Variants in C7 observed in about 807,000 individuals in gnomAD.
The protein encoded by C7 is complement C7, also known as complement component C7.
C7 carries 83 observed loss-of-function variants against 104.8 expected under a neutral mutation model. That is an observed-to-expected ratio of 0.79 (90% CI 0.66 to 0.95). C7 has a LOEUF of 0.95. C7 is among the 40% of genes least tolerant of loss of function. C7 has a pLI of 0.00. For synonymous variants in C7, 415 were observed against 360.6 expected (o/e 1.15, Z -1.71); for missense variants, 1,070 against 1,011.2 (o/e 1.06, Z -0.79).
In C7 at chr5:40,984,105, C is replaced by A. The variant is rs921933532; in HGVS notation, c.*2532C>A. 6.6e-6 allele frequency among the ~76,000 whole-genome samples: 1 copy of A among 152,184 alleles called. No homozygotes were observed. The highest frequency in any genetic ancestry group is 1.5e-5 in the Non-Finnish European group (1 of 68,036). On this transcript the variant is annotated 3_prime_UTR_variant, in exon 18 of 18. Coordinates refer to ENST00000313164, the MANE Select transcript of C7 (RefSeq NM_000587.4). ...AAGGTGCCTGAGAATATTTCCTAATCGTTTTGAGAAGTGCCTTCCTGTGAC... is the reference window on the plus strand; with the variant it reads ...AAGGTGCCTGAGAATATTTCCTAATAGTTTTGAGAAGTGCCTTCCTGTGAC...
At chr5:40,911,327 C>T (rs964598350) in intron 1 of C7, among the ~76,000 whole-genome samples, 3 of 152,130 alleles carry the variant, frequency 2.0e-5, no homozygotes, top group African/African-American at 4.8e-5. Flanking sequence ...ATGTTTTGGC[C>T]CCACAGCCCC....
At chr5:40,932,886 A>T (rs1739725483) in intron 3 of C7, among the ~76,000 whole-genome samples, 1 of 152,132 alleles carries the variant, frequency 6.6e-6, no homozygotes, top group Admixed American at 6.6e-5. Flanking sequence ...TGAAAATGAG[A>T]AAGGGGTTGT....
At position 40,979,824 on chromosome 5, in the gene C7, C is replaced by T. The variant is rs531120311; in HGVS notation, c.2265C>T (p.Tyr755=). ...TTCTCCACTGTCAGGGTAGAAATTA[C>T]ACCCTTACTGGTAGGGACAGCTGTA... The part of the protein sequence containing the change: ...MHVLHCQGRN[Y]TLTGRDSCTL... Residue 755 remains tyrosine (Y), a synonymous_variant, in exon 17 of 18, where the codon TAC becomes TAT. Coordinates refer to ENST00000313164, the MANE Select transcript of C7 (RefSeq NM_000587.4). 1.2e-4 allele frequency: 192 copies of T among 1,613,522 alleles called. No individual in the cohort carries two copies. The highest frequency in any genetic ancestry group is 1.6e-4 in the Non-Finnish European group (186 of 1,179,636).
intron 4 of C7, among the ~76,000 whole-genome samples, chr5:40,936,129 T>C (rs2111595790): frequency 6.6e-6 from 1 of 152,272 alleles, no homozygotes; most frequent in African/African-American, 2.4e-5. Flanking sequence ...CAATTTTGTG[T>C]CTGATTGAGT....
chr5:40,926,897 T>C (rs1266248239), intron 1 of C7, among the ~76,000 whole-genome samples: 1 of 151,462 alleles, frequency 6.6e-6, no homozygotes, highest in Non-Finnish European at 1.5e-5. Flanking sequence ...TAGAAAAAAA[T>C]CTTAAAGTTC....
chr5:40,970,583 G>C (rs1409444083), intron 14 of C7, among the ~76,000 whole-genome samples: 2 of 152,036 alleles, frequency 1.3e-5, no homozygotes, highest in Admixed American at 1.3e-4. Flanking sequence ...TTGAGCCTAG[G>C]AGTTTTTAAT....
chr5:40,941,412 C>T (rs1739934094), intron 6 of C7, among the ~76,000 whole-genome samples: 1 of 151,956 alleles, frequency 6.6e-6, no homozygotes, highest in South Asian at 2.1e-4. Flanking sequence ...GGCTGGATTA[C>T]ACAGTGAAGT....
chr5:40,926,945 T>A (rs1333695973), intron 1 of C7, among the ~76,000 whole-genome samples: 1 of 147,792 alleles, frequency 6.8e-6, no homozygotes, highest in Non-Finnish European at 1.5e-5. Context: ...GCTAAGGCAA[T>A]CATGGGCAAA....
At chr5:40,948,953 T>A (rs1412880462) in intron 8 of C7, among the ~76,000 whole-genome samples, 1 of 152,170 alleles carries the variant, frequency 6.6e-6, no homozygotes, top group Non-Finnish European at 1.5e-5. Flanking sequence ...ACATAAAATT[T>A]AACTAGAACT....
intron 17 of C7, 156 bp downstream of exon 17, chr5:40,980,065 C>T (rs115715844): frequency 5.6e-5 from 28 of 496,070 alleles, no homozygotes; most frequent in Non-Finnish European, 9.2e-5. Context: ...TCTCCTATAC[C>T]CCTCACTGGA....
intron 1 of C7, among the ~76,000 whole-genome samples, chr5:40,914,776 T>G (rs1409135804): frequency 6.6e-6 from 1 of 152,208 alleles, no homozygotes; most frequent in Admixed American, 6.5e-5. Flanking sequence ...TACAAGATTG[T>G]GCATCGGAGA....
intron 17 of C7, among the ~76,000 whole-genome samples, chr5:40,981,094 T>C (rs1318425346): frequency 6.6e-6 from 1 of 152,182 alleles, no homozygotes; most frequent in African/African-American, 2.4e-5. Context: ...GTTGCTGGCT[T>C]ATATGGACAG....
At chr5:40,969,685 T>C (rs1268359311) in intron 14 of C7, among the ~76,000 whole-genome samples, 2 of 152,166 alleles carry the variant, frequency 1.3e-5, no homozygotes, top group Non-Finnish European at 2.9e-5. Context: ...AAAACCCTGG[T>C]CCTGTGAGAC....
At chr5:40,942,088 G>A (rs936821580) in intron 6 of C7, among the ~76,000 whole-genome samples, 5 of 152,308 alleles carry the variant, frequency 3.3e-5, no homozygotes, top group Middle Eastern at 3.4e-3. Context: ...ACTGTCTGGT[G>A]AAATAAGAAA....
intron 14 of C7, among the ~76,000 whole-genome samples, chr5:40,968,505 C>G (rs1273987149): frequency 6.9e-6 from 1 of 145,060 alleles, no homozygotes; most frequent in African/African-American, 2.5e-5. Flanking sequence ...CTTTTAAGAA[C>G]TCTATTATAG....
At chr5:40,915,062 T>C (rs572262508) in intron 1 of C7, among the ~76,000 whole-genome samples, 25 of 152,092 alleles carry the variant, frequency 1.6e-4, no homozygotes, top group South Asian at 1.5e-3. Flanking sequence ...GAAGCAGGCA[T>C]GGGTGAGAAT....
intron 7 of C7, among the ~76,000 whole-genome samples, chr5:40,945,875 CATATAT>C (rs58480949): frequency 0.25 from 32,342 of 126,966 alleles, 4,203 homozygotes; most frequent in East Asian, 0.37. Context: ...AAAAAAAATA[CATATAT>C]ATATATATAT....
chr5:40,968,592 ATATATATATTTTTTTTTTTTTTTT>A (rs1271221976), intron 14 of C7, among the ~76,000 whole-genome samples: 296 of 33,838 alleles, frequency 8.7e-3, no homozygotes, highest in East Asian at 0.063. Context: ...ATATATATAT[ATATATATATTTTTTTTTTTTTTTT>A]TTTTTTTTTT....
At chr5:40,913,094 G>C (rs1739244374) in intron 1 of C7, among the ~76,000 whole-genome samples, 1 of 152,026 alleles carries the variant, frequency 6.6e-6, no homozygotes, top group Non-Finnish European at 1.5e-5. Context: ...TAATATAATG[G>C]CCTCTAGTTC....
Sources: allele counts gnomAD v4.1 joint callset (sites outside exome capture counted in the v4.1 genomes callset), GRCh38; gene constraint gnomAD v4.1.1; transcripts MANE v1.5; gene names NCBI Gene and HGNC (gene_info 2026-07-23, HGNC 2026-07-21).